Variants in CHD4 observed in about 807,000 individuals in gnomAD.
The protein encoded by CHD4 is ATP-dependent chromatin remodeler CHD4.
Under a neutral mutation model 235.5 loss-of-function variants are expected in CHD4, and 35 were observed. That is an observed-to-expected ratio of 0.15 (90% CI 0.11 to 0.20). The LOEUF is 0.20. Among genes scored for constraint, CHD4 ranks in the 10% least tolerant of loss-of-function variants. The pLI is 1.00. For missense variants in CHD4, 1,329 were observed against 2,432.3 expected, an observed-to-expected ratio of 0.55 and a Z score of 9.54; for synonymous variants, 900 against 850.2, an observed-to-expected ratio of 1.06 and a Z score of -1.02.
intron 22 of CHD4, 58 bp from the exon 23 acceptor site, chr12:6,588,480 G>C: frequency 1.9e-6 from 3 of 1,588,946 alleles, no homozygotes; most frequent in Non-Finnish European, 2.6e-6. Flanking sequence ...ATTCATAAAT[G>C]TAGTTTAAAA....
rs144201113 is a variant in CHD4 at position 6,593,827 on chromosome 12, A to G, written c.2314-211T>C. 1.3e-5 allele frequency among the ~76,000 whole-genome samples: 2 copies of G among 152,110 alleles called. No individual in the cohort carries two copies. Among genetic ancestry groups the G allele is most frequent in the Non-Finnish European group, 2.9e-5 (2 of 67,986 alleles). On this transcript the variant is annotated intron_variant, in intron 15 of 39. Transcript: ENST00000544040. This position sits in a 1 kb window ranked among gnomAD's most constrained non-coding sequence, Gnocchi z 4.9. ...CATAACTACAAGTCTTACCTCTCCC[A>G]TTAAGTCTTTATATACTTTTTTTCT... is the stretch of plus-strand genomic sequence containing the variant.
At chr12:6,605,093 G>A (rs1357575927) in intron 2 of CHD4, among the ~76,000 whole-genome samples, 2 of 152,138 alleles carry the variant, frequency 1.3e-5, no homozygotes, top group African/African-American at 4.8e-5. Flanking sequence ...ATGGCCTCAG[G>A]TTGAAGTGAA....
intron 13 of CHD4, 109 bp from the exon 14 acceptor site, chr12:6,595,539 G>C (rs2136217653): frequency 1.1e-6 from 1 of 908,668 alleles, no homozygotes; most frequent in Admixed American, 2.1e-5. Flanking sequence ...TGGGAGGCCA[G>C]CACTTTGGGA....
At chr12:6,601,220 T>C (rs1333243563) in intron 6 of CHD4, 69 bp downstream of exon 6, 2 of 1,582,890 alleles carry the variant, frequency 1.3e-6, no homozygotes, top group Non-Finnish European at 1.7e-6. Flanking sequence ...CAGACCAGCA[T>C]TCCCATGCTG....
intron 10 of CHD4, 83 bp downstream of exon 10, chr12:6,599,690 T>C: frequency 6.4e-7 from 1 of 1,556,418 alleles, no homozygotes; most frequent in South Asian, 1.2e-5. Flanking sequence ...ATAGTTCCTC[T>C]CCTGCACCCC....
Position 6,606,346 on chromosome 12 carries a change from G to A in CHD4, c.28C>T (p.Pro10Ser). The A allele has an allele frequency of 5.1e-6, 8 of 1,571,728 alleles. No individual in the cohort carries two copies. The highest frequency in any genetic ancestry group is 6.9e-6 in the Non-Finnish European group (8 of 1,162,110). MASGLGSPSPCSAGSEEEDM... is the reference protein window; with the variant it reads MASGLGSPSSCSAGSEEEDM... ...TCCTCCTCACTGCCCGCCGAGCAGGGGGACGGGGAGCCCAGGCCCGACGCC... is the reference window on the plus strand; with the variant it reads ...TCCTCCTCACTGCCCGCCGAGCAGGAGGACGGGGAGCCCAGGCCCGACGCC... Residue 10 changes from proline (P) to serine (S), a missense_variant, in exon 2 of 40, where the codon CCC becomes TCC. Around this residue, in one of 26 missense-constraint regions of CHD4, gnomAD observed 213 missense variants for 177.5 expected, o/e 1.20. Coordinates refer to ENST00000544040, the MANE Select transcript of CHD4 (RefSeq NM_001273.5).
In CHD4 at chr12:6,592,679, G is replaced by A; in HGVS notation, c.2774+17C>T. 6.2e-7 allele frequency: 1 copy of A among 1,611,798 alleles called. No individual in the cohort carries two copies. The highest frequency in any genetic ancestry group is 8.5e-7 in the Non-Finnish European group (1 of 1,178,756). On this transcript the variant is annotated intron_variant, in intron 18 of 39. Transcript: ENST00000544040. ...GAGGCACAATTATGAGCCGATTACAGATAAACACATACTTACTGGAACCTC... is the reference window on the plus strand; with the variant it reads ...GAGGCACAATTATGAGCCGATTACAAATAAACACATACTTACTGGAACCTC...
Position 6,593,658 on chromosome 12 carries a change from A to C in CHD4, c.2314-42T>G. 2 of 1,586,980 alleles carry C rather than the reference A, an allele frequency of 1.3e-6. No homozygotes were observed. Among genetic ancestry groups the C allele is most frequent in the South Asian group, 2.2e-5 (2 of 90,316 alleles). ...GAGAGTCAGGACTGAGGGCCCCAGC[A>C]CACTGCAACCCCAGCGAACACCCAC... On this transcript the variant is annotated intron_variant, in intron 15 of 39. Transcript: ENST00000544040. This position sits in a 1 kb window ranked among gnomAD's most constrained non-coding sequence, Gnocchi z 4.9.
intron 38 of CHD4, chr12:6,571,813 T>G (rs1408111295): frequency 1.3e-5 from 2 of 151,650 alleles, no homozygotes; most frequent in African/African-American, 4.8e-5. Context: ...TACAAAAAAT[T>G]AGCTGGGCAT....
At position 6,570,702 on chromosome 12, in the gene CHD4, G is replaced by A; in HGVS notation, c.5722-9C>T. On this transcript the variant is annotated splice_polypyrimidine_tract_variant and intron_variant, in intron 39 of 39. Coordinates refer to ENST00000544040, the MANE Select transcript of CHD4 (RefSeq NM_001273.5). ...CACTGCTGCTGGGCTACCTAGAGAA[G>A]GAGACCCGAGGAGTCAGAATTCCAG... 1 of 1,614,122 alleles carries A rather than the reference G, an allele frequency of 6.2e-7. No individual in the cohort carries two copies. Among genetic ancestry groups the A allele is most frequent in the Non-Finnish European group, 8.5e-7 (1 of 1,180,006 alleles).
At chr12:6,597,032 G>A (rs889765093) in intron 12 of CHD4, among the ~76,000 whole-genome samples, 23 of 149,684 alleles carry the variant, frequency 1.5e-4, no homozygotes, top group African/African-American at 5.4e-4. Context: ...CACTTTGGAA[G>A]GAGGAGGTGA....
intron 10 of CHD4, among the ~76,000 whole-genome samples, chr12:6,598,748 G>A (rs1446578561): frequency 6.6e-6 from 1 of 152,190 alleles, no homozygotes; most frequent in Non-Finnish European, 1.5e-5. Context: ...GGCAGAGCTT[G>A]CAGTGAGCCA....
intron 7 of CHD4, 70 bp from the exon 8 acceptor site, chr12:6,600,739 G>A: frequency 1.3e-6 from 2 of 1,559,432 alleles, no homozygotes; most frequent in African/African-American, 1.4e-5. Flanking sequence ...AGAGAGGGGA[G>A]TACTCTCTCA....
chr12:6,605,345 G>C (rs538275523), intron 2 of CHD4, among the ~76,000 whole-genome samples: 1 of 152,276 alleles, frequency 6.6e-6, no homozygotes, highest in East Asian at 1.9e-4. Context: ...ACACAGCTAG[G>C]GGCTCTGAAA....
intron 5 of CHD4, 25 bp from the exon 6 acceptor site, chr12:6,601,555 G>C (rs756753806): frequency 6.2e-7 from 1 of 1,613,814 alleles, no homozygotes; most frequent in Non-Finnish European, 8.5e-7. Context: ...CACAAGAGCA[G>C]AGGGAAAGGT....
intron 22 of CHD4, chr12:6,590,267 C>G (rs1222848041): frequency 6.6e-6 from 1 of 152,152 alleles, no homozygotes; most frequent in Non-Finnish European, 1.5e-5. Context: ...AGCACAATAA[C>G]TAAATGGAAC....
At chr12:6,577,022 T>A (rs1248900289) in intron 37 of CHD4, among the ~76,000 whole-genome samples, 1 of 151,986 alleles carries the variant, frequency 6.6e-6, no homozygotes, top group African/African-American at 2.4e-5. Context: ...CTGAAATCTC[T>A]ACCTCCCGAC....
intron 2 of CHD4, among the ~76,000 whole-genome samples, chr12:6,604,770 G>A (rs762910084): frequency 1.5e-4 from 23 of 152,278 alleles, no homozygotes; most frequent in South Asian, 4.1e-4. Flanking sequence ...ATGGGGTGTG[G>A]CAAGTGGAAA....
At chr12:6,582,374 A>G in intron 29 of CHD4, 93 bp from the exon 30 acceptor site, 4 of 1,438,840 alleles carry the variant, frequency 2.8e-6, no homozygotes, top group Non-Finnish European at 3.7e-6. Flanking sequence ...ACAGGCAATA[A>G]CTATGGCTCC....
Sources: gnomAD v4.1 joint callset for allele counts (sites outside exome capture counted in the v4.1 genomes callset) on GRCh38, gnomAD v4.1.1 for gene constraint, gnomAD v4.1.1 regional missense constraint, Gnocchi (gnomAD v3.1) non-coding constraint, MANE v1.5 for transcripts, NCBI Gene and HGNC (gene_info 2026-07-23, HGNC 2026-07-21) for gene names.